Variants in COLGALT2 observed in about 807,000 individuals in gnomAD.
COLGALT2 encodes collagen beta(1-O)galactosyltransferase 2.
A neutral mutation model predicts 73.4 loss-of-function variants in COLGALT2; 49 were observed. The ratio of observed to expected loss-of-function variants is 0.67; its 90% CI spans 0.53 to 0.85. COLGALT2 has a LOEUF of 0.85. Ranked by LOEUF, COLGALT2 falls within the 40% of genes least tolerant of loss-of-function variation. COLGALT2 has a pLI of 0.00. For synonymous variants in COLGALT2, 295 were observed against 307.6 expected, an observed-to-expected ratio of 0.96 and a Z score of 0.43; for missense variants, 722 against 790.2, an observed-to-expected ratio of 0.91 and a Z score of 1.03.
At chr1:184,017,285 G>GT (rs1572679874) in intron 1 of COLGALT2, among the ~76,000 whole-genome samples, 2 of 152,144 alleles carry the variant, frequency 1.3e-5, no homozygotes, top group East Asian at 3.8e-4. Flanking sequence ...TCATTATCAA[G>GT]TATGTTTCTG....
At chr1:183,972,730 C>T (rs1426582965) in intron 4 of COLGALT2, among the ~76,000 whole-genome samples, 2 of 149,840 alleles carry the variant, frequency 1.3e-5, no homozygotes, top group Non-Finnish European at 3.0e-5. Context: ...GAGGGAGTCT[C>T]GCTCTGTCAC....
At chr1:184,008,762 G>A (rs12069373) in intron 1 of COLGALT2, among the ~76,000 whole-genome samples, 4 of 151,906 alleles carry the variant, frequency 2.6e-5, no homozygotes, top group Admixed American at 1.3e-4. Flanking sequence ...TAAACTTCCC[G>A]AATATGATAA....
chr1:183,941,221 G>A (rs980288241), intron 10 of COLGALT2, among the ~76,000 whole-genome samples: 1 of 152,182 alleles, frequency 6.6e-6, no homozygotes, highest in Non-Finnish European at 1.5e-5. Context: ...ACAGCACTCC[G>A]AGTGCTGGTG....
At chr1:184,025,318 T>C (rs940268747) in intron 1 of COLGALT2, among the ~76,000 whole-genome samples, 1 of 152,204 alleles carries the variant, frequency 6.6e-6, no homozygotes, top group Non-Finnish European at 1.5e-5. Context: ...CAGCACTGTT[T>C]ATGCAAATCT....
intron 10 of COLGALT2, among the ~76,000 whole-genome samples, chr1:183,941,495 G>A (rs1266942277): frequency 1.3e-5 from 2 of 152,200 alleles, no homozygotes; most frequent in African/African-American, 4.8e-5. Flanking sequence ...ATCTTCCCTA[G>A]TCTACCCATG....
At chr1:183,934,404 C>T (rs1378060629), downstream of COLGALT2, among the ~76,000 whole-genome samples, 11 of 152,336 alleles carry the variant, frequency 7.2e-5, no homozygotes, top group East Asian at 2.1e-3. Context: ...TGCCCCTCCT[C>T]TCCTGCTGGC....
intron 2 of COLGALT2, among the ~76,000 whole-genome samples, chr1:183,975,539 A>G (rs1446434415): frequency 6.6e-6 from 1 of 152,350 alleles, no homozygotes; most frequent in African/African-American, 2.4e-5. Context: ...CCAATGTTAC[A>G]CAATGGGGCA....
intron 1 of COLGALT2, among the ~76,000 whole-genome samples, chr1:184,007,898 C>T (rs188203059): frequency 1.3e-5 from 2 of 152,288 alleles, no homozygotes; most frequent in Admixed American, 1.3e-4. Flanking sequence ...ATAAACAGAT[C>T]CATTTTATTA....
At chr1:183,941,465 A>T (rs1183108403) in intron 10 of COLGALT2, among the ~76,000 whole-genome samples, 1 of 152,130 alleles carries the variant, frequency 6.6e-6, no homozygotes, top group African/African-American at 2.4e-5. Flanking sequence ...ACAACACAGG[A>T]TGCACCTTTG....
intron 1 of COLGALT2, among the ~76,000 whole-genome samples, chr1:183,989,535 G>A (rs1024092002): frequency 2.6e-5 from 4 of 152,136 alleles, no homozygotes; most frequent in Non-Finnish European, 5.9e-5. Flanking sequence ...TGGGCAAAGT[G>A]GTCTCTTGGA....
intron 4 of COLGALT2, among the ~76,000 whole-genome samples, chr1:183,970,096 T>C (rs1304968659): frequency 6.6e-6 from 1 of 152,228 alleles, no homozygotes; most frequent in Non-Finnish European, 1.5e-5. Flanking sequence ...ATTACTTAGA[T>C]ATACAAATGA....
At chr1:183,962,069 G>C (rs765227803) in intron 6 of COLGALT2, among the ~76,000 whole-genome samples, 1 of 151,788 alleles carries the variant, frequency 6.6e-6, no homozygotes, top group East Asian at 1.9e-4. Context: ...GAGCAAGGGA[G>C]TGGGAAGCAG....
In COLGALT2 at chr1:184,036,092, G is replaced by A. The variant is rs551810702; in HGVS notation, c.263+1003C>T. 1.9e-3 allele frequency among the ~76,000 whole-genome samples: 283 copies of A among 152,238 alleles called. 3 individuals carry two copies. The highest frequency in any genetic ancestry group is 6.5e-3 in the African/African-American group (271 of 41,532). On this transcript the variant is annotated intron_variant, in intron 1 of 11. Coordinates refer to ENST00000361927, the MANE Select transcript of COLGALT2 (RefSeq NM_015101.4). ...ACAGAAATTGCTCCAGAGTGACCTG[G>A]GCTCTGTCTTCCTCAGGGGGCCAGA...
intron 1 of COLGALT2, among the ~76,000 whole-genome samples, chr1:184,012,927 A>G (rs1467781662): frequency 6.6e-6 from 1 of 152,266 alleles, no homozygotes; most frequent in Non-Finnish European, 1.5e-5. Flanking sequence ...CAGTGCTAGA[A>G]CCTGGAGATT....
At chr1:184,006,704 C>G (rs533823996) in intron 1 of COLGALT2, among the ~76,000 whole-genome samples, 1 of 152,198 alleles carries the variant, frequency 6.6e-6, no homozygotes, top group South Asian at 2.1e-4. Context: ...AAAGTAATAA[C>G]TTATAGTACT....
rs2102783830 is a variant in COLGALT2 at position 183,936,633 on chromosome 1, TGCACACATGCA to T, written c.*2117_*2127del. On this transcript the variant is annotated 3_prime_UTR_variant, in exon 12 of 12. Coordinates refer to ENST00000361927, the MANE Select transcript of COLGALT2 (RefSeq NM_015101.4). ...CCCATTAAAAAAGTCATTAAAGTCA[TGCACACATGCA>T]CACACTCAAATATGAAAACAAAAAC... 8.3e-7 allele frequency: 1 copy of T among 1,211,248 alleles called. No homozygotes were observed. The highest frequency in any genetic ancestry group is 4.3e-5 in the South Asian group (1 of 23,272). 75.0% of individuals were successfully genotyped at this position (1,211,248 alleles called of 1,614,324 possible).
In COLGALT2 at chr1:183,938,701, T is replaced by G; in HGVS notation, c.*60A>C. 6.3e-7 allele frequency: 1 copy of G among 1,583,910 alleles called. No individual in the cohort carries two copies. Among genetic ancestry groups the G allele is most frequent in the Non-Finnish European group, 8.6e-7 (1 of 1,164,556 alleles). ...CAGAAAACTGGAGCAAACAGATGAATAGCCCTTTAGAAAAACCAGAGGATG... is the reference window on the plus strand; with the variant it reads ...CAGAAAACTGGAGCAAACAGATGAAGAGCCCTTTAGAAAAACCAGAGGATG... On this transcript the variant is annotated 3_prime_UTR_variant, in exon 12 of 12. Coordinates refer to ENST00000361927, the MANE Select transcript of COLGALT2 (RefSeq NM_015101.4).
rs115529246 is a variant in COLGALT2, at chr1:183,971,786, A to G, written c.627+1830T>C. Among the ~76,000 whole-genome samples the G allele has an allele frequency of 1.9e-3, 290 of 152,350 alleles. 1 individual carries two copies. The highest frequency in any genetic ancestry group is 6.4e-3 in the African/African-American group (267 of 41,580). On this transcript the variant is annotated intron_variant, in intron 4 of 11. Coordinates refer to ENST00000361927, the MANE Select transcript of COLGALT2 (RefSeq NM_015101.4). ...TTGACATGTTGATAGCTTGGAATCC[A>G]TAAAAACAAAAATCACGTTAATCCC...
In COLGALT2 at chr1:183,938,921, G is replaced by A; in HGVS notation, c.1721C>T (p.Thr574Ile). 6.2e-7 allele frequency: 1 copy of A among 1,614,098 alleles called. No homozygotes were observed. The highest frequency in any genetic ancestry group is 8.5e-7 in the Non-Finnish European group (1 of 1,180,024). ...GQPGYLSDTE[T>I]STIWDNETVA... Reference sequence around the variant, plus strand: ...TGTCTCATTGTCCCAGATGGTGGAGGTCTCCGTGTCACTCAGGTACCCCGG... The same window carrying A: ...TGTCTCATTGTCCCAGATGGTGGAGATCTCCGTGTCACTCAGGTACCCCGG... Residue 574 changes from threonine (T) to isoleucine (I), a missense_variant, in exon 12 of 12, where the codon ACC becomes ATC. By Grantham distance (89) the Thr-to-Ile change is moderately conservative. Coordinates refer to ENST00000361927, the MANE Select transcript of COLGALT2 (RefSeq NM_015101.4).
Sources: allele counts gnomAD v4.1 joint callset (sites outside exome capture counted in the v4.1 genomes callset), GRCh38; gene constraint gnomAD v4.1.1; transcripts MANE v1.5; gene names NCBI Gene and HGNC (gene_info 2026-07-23, HGNC 2026-07-21).